CCT4: variants seen among roughly 807,000 people sequenced by gnomAD.
The protein encoded by CCT4 is T-complex protein 1 subunit delta.
CCT4 carries 17 observed loss-of-function variants against 62.5 expected under a neutral mutation model. That is an observed-to-expected ratio of 0.27 (90% CI 0.19 to 0.41). CCT4 has a LOEUF of 0.41. CCT4 is among the 10% of genes least tolerant of loss of function. The pLI is 1.00. For synonymous variants in CCT4, 250 were observed against 229.9 expected (o/e 1.09, Z -0.79); for missense variants, 592 against 659.2 (o/e 0.90, Z 1.12).
chr2:61,869,656 TC>T (rs1668843469), intron 12 of CCT4, 103 bp from the exon 13 acceptor site: 1 of 455,890 alleles, frequency 2.2e-6, no homozygotes, highest in African/African-American at 2.0e-5. Flanking sequence ...TAGTTTTCTT[TC>T]TGTCTAAGAA....
chr2:61,869,147 A>G (rs1366798239), intron 13 of CCT4, among the ~76,000 whole-genome samples: 3 of 144,654 alleles, frequency 2.1e-5, no homozygotes, highest in Non-Finnish European at 3.0e-5. Context: ...GTCTCAGAAA[A>G]AAAAAAAAAA....
intron 1 of CCT4, chr2:61,888,135 G>A: frequency 1.9e-6 from 1 of 524,110 alleles, no homozygotes; most frequent in South Asian, 2.6e-5. Context: ...ATGATGCACA[G>A]TGCAGGATGA....
chr2:61,888,597 T>G lies in CCT4; in HGVS notation c.-90A>C. 2.1e-6 allele frequency: 3 copies of G among 1,450,286 alleles called. No homozygotes were observed. The highest frequency in any genetic ancestry group is 2.2e-5 in the Admixed American group (1 of 46,266). 89.8% of individuals were successfully genotyped at this position (1,450,286 alleles called of 1,614,324 possible). A position where few individuals can be genotyped will look rare whatever the true frequency, so the allele number is the denominator to read the frequency against. ...CAGTGTAATAACGGTAAGCCCTCAC[T>G]GCCTTCACGAACCTTCCAGAAAGCG... On this transcript the variant is annotated 5_prime_UTR_variant, in exon 1 of 14. Coordinates refer to ENST00000394440, the MANE Select transcript of CCT4 (RefSeq NM_006430.4).
upstream of CCT4, chr2:61,888,671 C>T (rs1008662510): frequency 8.8e-6 from 7 of 792,770 alleles, no homozygotes; most frequent in African/African-American, 8.9e-5. Flanking sequence ...CCTTCCTTGC[C>T]GCGCGGCGCT....
At chr2:61,886,844 C>T (rs2105144131) in intron 1 of CCT4, among the ~76,000 whole-genome samples, 1 of 152,176 alleles carries the variant, frequency 6.6e-6, no homozygotes, top group Middle Eastern at 3.4e-3. Flanking sequence ...ACGGCAACCT[C>T]CGCCTCCCAG....
At position 61,888,629 on chromosome 2, in the gene CCT4, G is replaced by C. The variant is rs1330556862; in HGVS notation, c.-122C>G. ...ACGAACCTTCCAGAAAGCGGCGCCG[G>C]CGTCGGGAGGAGGCGGAGGCGGAGA... On this transcript the variant is annotated 5_prime_UTR_variant, in exon 1 of 14. Transcript: ENST00000394440. 3 of 1,228,288 alleles carry C rather than the reference G, an allele frequency of 2.4e-6. No individual in the cohort carries two copies. The highest frequency in any genetic ancestry group is 2.7e-5 in the East Asian group (1 of 36,892). The allele number at this position is 1,228,288 out of a possible 1,614,324, so 76.1% of individuals were successfully genotyped here. A position where few individuals can be genotyped will look rare whatever the true frequency, so the allele number is the denominator to read the frequency against.
chr2:61,878,390 T>A (rs1669044546), intron 5 of CCT4, among the ~76,000 whole-genome samples: 1 of 152,208 alleles, frequency 6.6e-6, no homozygotes, highest in Non-Finnish European at 1.5e-5. Flanking sequence ...GCTGTTTCTG[T>A]TAGCGGTCCT....
At chr2:61,882,489 G>C (rs766277369) in intron 3 of CCT4, among the ~76,000 whole-genome samples, 21 of 151,018 alleles carry the variant, frequency 1.4e-4, no homozygotes, top group Non-Finnish European at 2.8e-4. Flanking sequence ...AATCATTTCT[G>C]TGGACAAGTA....
intron 3 of CCT4, among the ~76,000 whole-genome samples, chr2:61,881,214 CTTATT>C (rs71409299): frequency 0.39 from 59,329 of 151,748 alleles, 11,768 homozygotes; most frequent in Middle Eastern, 0.46. Context: ...GCAATGCTTT[CTTATT>C]TTATGTTCCA....
chr2:61,875,710 T>TC (rs902671086), intron 8 of CCT4, among the ~76,000 whole-genome samples: 1 of 146,764 alleles, frequency 6.8e-6, no homozygotes, highest in Non-Finnish European at 1.5e-5. Context: ...AAGAAATAAG[T>TC]TTTTTAAAAG....
In CCT4 at chr2:61,869,419, T is replaced by A. The variant is rs762639601; in HGVS notation, c.1605+21A>T. On this transcript the variant is annotated intron_variant, in intron 13 of 13. Coordinates refer to ENST00000394440, the MANE Select transcript of CCT4 (RefSeq NM_006430.4). ...TGCCTTTTTGACCTCCTAAGAAAAT[T>A]TGCAACCTGGAAACACTTACCACAT... The A allele has an allele frequency of 8.5e-6, 12 of 1,406,550 alleles. No individual in the cohort carries two copies. The East Asian group carries it at 1.8e-4, about 21-fold the overall frequency. The allele number at this position is 1,406,550 out of a possible 1,614,324, so 87.1% of individuals were successfully genotyped here.
intron 11 of CCT4, 65 bp downstream of exon 11, chr2:61,872,393 T>A: frequency 1.4e-6 from 2 of 1,438,240 alleles, no homozygotes; most frequent in Middle Eastern, 2.1e-4. Flanking sequence ...TTTATATCTT[T>A]AAAAAATAGA....
chr2:61,886,821 G>T (rs984872444), intron 1 of CCT4, among the ~76,000 whole-genome samples: 5 of 151,434 alleles, frequency 3.3e-5, no homozygotes, highest in African/African-American at 1.2e-4. Context: ...GTGCAATGGC[G>T]CGACGTCAGT....
At chr2:61,869,145 A>G (rs1438348773) in intron 13 of CCT4, among the ~76,000 whole-genome samples, 17 of 1,700 alleles carry the variant, frequency 0.01, 1 homozygote, top group Admixed American at 0.02. Context: ...TCGTCTCAGA[A>G]AAAAAAAAAA....
Position 61,888,653 on chromosome 2 carries a change from GA to G in CCT4, c.-147del. The G allele has an allele frequency of 1.1e-6, 1 of 943,014 alleles. No homozygotes were observed. The highest frequency in any genetic ancestry group is 1.5e-6 in the Non-Finnish European group (1 of 656,672). 58.4% of individuals were successfully genotyped at this position (943,014 alleles called of 1,614,324 possible). A position where few individuals can be genotyped will look rare whatever the true frequency, so the allele number is the denominator to read the frequency against. The stretch of plus-strand genomic sequence containing the variant: ...GGCGTCGGGAGGAGGCGGAGGCGGA[GA>G]AGGGGGCCTTCCTTGCCGCGCGGCG... On this transcript the variant is annotated 5_prime_UTR_variant, in exon 1 of 14. Transcript: ENST00000394440.
intron 12 of CCT4, among the ~76,000 whole-genome samples, chr2:61,869,927 T>C (rs1464221905): frequency 6.7e-6 from 1 of 149,794 alleles, no homozygotes; most frequent in East Asian, 2.0e-4. Context: ...CCATGGCGCC[T>C]GGCCACTTAT....
chr2:61,883,022 T>C (rs1448323019), intron 3 of CCT4, among the ~76,000 whole-genome samples: 1 of 152,156 alleles, frequency 6.6e-6, no homozygotes, highest in Non-Finnish European at 1.5e-5. Context: ...AGGCACACAA[T>C]GTATCCTAAA....
At chr2:61,880,029 C>T (rs1669079918) in intron 4 of CCT4, among the ~76,000 whole-genome samples, 1 of 152,168 alleles carries the variant, frequency 6.6e-6, no homozygotes, top group African/African-American at 2.4e-5. Flanking sequence ...CGCCCGGCCT[C>T]TACCACTCAT....
At position 61,868,441 on chromosome 2, in the gene CCT4, A is replaced by G. The variant is rs1668820156; in HGVS notation, c.*251T>C. The stretch of plus-strand genomic sequence containing the variant: ...TAAACTCACTTTTTACGCTTCTTTT[A>G]TTAGTTTTTATTAGTTTTTCAAAAG... On this transcript the variant is annotated 3_prime_UTR_variant, in exon 14 of 14. Transcript: ENST00000394440. 4.4e-6 allele frequency: 2 copies of G among 451,536 alleles called. No homozygotes were observed. The highest frequency in any genetic ancestry group is 7.4e-5 in the South Asian group (2 of 26,886). The allele number at this position is 451,536 out of a possible 1,614,324, so 28.0% of individuals were successfully genotyped here.
Sources: allele counts gnomAD v4.1 joint callset (sites outside exome capture counted in the v4.1 genomes callset), GRCh38; gene constraint gnomAD v4.1.1; transcripts MANE v1.5; gene names NCBI Gene and HGNC (gene_info 2026-07-23, HGNC 2026-07-21).